CTNNA3: variants seen among roughly 807,000 people sequenced by gnomAD.
CTNNA3 encodes catenin alpha 3.
CTNNA3 carries 76 observed loss-of-function variants against 95.7 expected under a neutral mutation model. The observed-to-expected ratio is 0.79, with a 90% CI of 0.66 to 0.96. The LOEUF (loss-of-function observed/expected upper bound fraction) is 0.96, where lower values mean the gene tolerates loss of function less well. CTNNA3 is among the 40% of genes least tolerant of loss of function. The pLI, the probability that CTNNA3 is intolerant of heterozygous loss-of-function variation, is 0.00. For missense variants in CTNNA3, 1,191 were observed against 1,089.8 expected, an observed-to-expected ratio of 1.09 and a Z score of -1.31; for synonymous variants, 431 against 374.4, an observed-to-expected ratio of 1.15 and a Z score of -1.74.
intron 15 of CTNNA3, among the ~76,000 whole-genome samples, chr10:66,056,883 A>T (rs2080098676): frequency 6.6e-6 from 1 of 152,198 alleles, no homozygotes; most frequent in African/African-American, 2.4e-5. Flanking sequence ...CCTCTGCAGC[A>T]ACCAGTCCTG....
At chr10:67,552,851 T>G (rs1327896266) in intron 3 of CTNNA3, among the ~76,000 whole-genome samples, 1 of 152,152 alleles carries the variant, frequency 6.6e-6, no homozygotes, top group African/African-American at 2.4e-5. Flanking sequence ...TGATCTCATT[T>G]CTTTTTATGG....
rs138569658 is a variant in CTNNA3 at position 66,016,004 on chromosome 10, A to G, written c.2160-27207T>C. Among the ~76,000 whole-genome samples the G allele has an allele frequency of 1.8e-3, 269 of 152,274 alleles. 3 individuals carry two copies. Among genetic ancestry groups the G allele is most frequent in the African/African-American group, 6.3e-3 (261 of 41,568 alleles). On this transcript the variant is annotated intron_variant, in intron 15 of 17. Coordinates refer to ENST00000433211, the MANE Select transcript of CTNNA3 (RefSeq NM_013266.4). Reference sequence around the variant, plus strand: ...GATCACGGGAATTTAATGCACAAACAATGATTTATAGCATCTGTTTTCTAA... The same window carrying G: ...GATCACGGGAATTTAATGCACAAACGATGATTTATAGCATCTGTTTTCTAA...
chr10:66,154,038 A>G (rs1347925381), intron 13 of CTNNA3, among the ~76,000 whole-genome samples: 2 of 151,884 alleles, frequency 1.3e-5, no homozygotes, highest in Admixed American at 6.6e-5. Context: ...CATCACTCAT[A>G]AGGTCAAGAT....
At chr10:67,555,321 T>A (rs976463150) in intron 3 of CTNNA3, among the ~76,000 whole-genome samples, 1 of 152,204 alleles carries the variant, frequency 6.6e-6, no homozygotes, top group Non-Finnish European at 1.5e-5. Flanking sequence ...GCAGATGGCA[T>A]TGAATCTATA....
At chr10:67,209,355 A>G (rs12268369) in intron 6 of CTNNA3, among the ~76,000 whole-genome samples, 14,015 of 152,128 alleles carry the variant, frequency 0.092, 1,016 homozygotes, top group East Asian at 0.19. Flanking sequence ...GCCTAATATA[A>G]GTTTTTAAAT....
intron 9 of CTNNA3, among the ~76,000 whole-genome samples, chr10:66,756,886 C>T (rs1048031612): frequency 2.0e-5 from 3 of 152,042 alleles, no homozygotes; most frequent in African/African-American, 7.2e-5. Flanking sequence ...CAAAACTTGA[C>T]CCTAGAGCAG....
intron 5 of CTNNA3, among the ~76,000 whole-genome samples, chr10:67,275,104 T>C (rs1003718850): frequency 2.6e-5 from 4 of 152,092 alleles, no homozygotes; most frequent in South Asian, 2.1e-4. Flanking sequence ...AGAGAAATAA[T>C]AGTAGCAACG....
chr10:66,813,254 C>A lies in CTNNA3; in HGVS notation c.1048-37730G>T, dbSNP rs895148317. ...CTCTGCAAAATCCACACTCAAATTG[C>A]TGCATTTTATCCTGTCAGCTGCGTC... On this transcript the variant is annotated intron_variant, in intron 7 of 17. Transcript: ENST00000433211. Among the ~76,000 whole-genome samples the A allele has an allele frequency of 3.9e-5, 6 of 152,158 alleles. No individual in the cohort carries two copies. In the South Asian group the frequency reaches 1.2e-3, roughly 32 times the overall value.
intron 7 of CTNNA3, among the ~76,000 whole-genome samples, chr10:67,072,677 GC>G (rs1208843527): frequency 2.6e-5 from 4 of 152,130 alleles, no homozygotes; most frequent in African/African-American, 9.7e-5. Flanking sequence ...TTGATTGAAA[GC>G]CTGGTATATC....
intron 5 of CTNNA3, among the ~76,000 whole-genome samples, chr10:67,369,530 C>T (rs11815372): frequency 0.093 from 14,061 of 151,770 alleles, 675 homozygotes; most frequent in East Asian, 0.15. Flanking sequence ...TTCTCCATGG[C>T]GAAAATACAC....
intron 10 of CTNNA3, among the ~76,000 whole-genome samples, chr10:66,570,278 TG>T (rs1478466375): frequency 3.7e-4 from 52 of 139,140 alleles, no homozygotes; most frequent in Non-Finnish European, 1.9e-4. Context: ...AAATATGATT[TG>T]TTTTGTTTTG....
chr10:66,044,057 G>A (rs545030017), intron 15 of CTNNA3, among the ~76,000 whole-genome samples: 1 of 151,972 alleles, frequency 6.6e-6, no homozygotes, highest in East Asian at 1.9e-4. Flanking sequence ...GTGCAGTGGT[G>A]CGATATTGGC....
chr10:66,110,201 A>T (rs1000341761), intron 13 of CTNNA3, among the ~76,000 whole-genome samples: 2 of 151,908 alleles, frequency 1.3e-5, no homozygotes, highest in African/African-American at 2.4e-5. Context: ...TCTCTACTAA[A>T]AATACAAAAA....
intron 7 of CTNNA3, among the ~76,000 whole-genome samples, chr10:67,110,745 T>G (rs1858876299): frequency 6.6e-6 from 1 of 152,178 alleles, no homozygotes; most frequent in Non-Finnish European, 1.5e-5. Flanking sequence ...TTACTTTTGT[T>G]GAACTGCCCA....
chr10:66,214,821 T>C (rs1393749518), intron 13 of CTNNA3, among the ~76,000 whole-genome samples: 3 of 152,052 alleles, frequency 2.0e-5, no homozygotes, highest in Admixed American at 6.6e-5. Flanking sequence ...ATAATCCCCA[T>C]TGAAAAATGC....
At chr10:67,343,327 A>G (rs1294392801) in intron 5 of CTNNA3, among the ~76,000 whole-genome samples, 1 of 152,176 alleles carries the variant, frequency 6.6e-6, no homozygotes, top group Non-Finnish European at 1.5e-5. Flanking sequence ...TGCATTAAAT[A>G]TATAGATTAC....
intron 1 of CTNNA3, among the ~76,000 whole-genome samples, chr10:67,716,357 T>C (rs943251762): frequency 2.0e-5 from 3 of 152,124 alleles, no homozygotes; most frequent in African/African-American, 7.2e-5. Context: ...AGTTCTAGGA[T>C]ACATGTGCAG....
chr10:66,055,958 T>C (rs572706241), intron 15 of CTNNA3, among the ~76,000 whole-genome samples: 1 of 146,624 alleles, frequency 6.8e-6, no homozygotes, highest in African/African-American at 2.5e-5. Flanking sequence ...TAAAATCATA[T>C]CATCTGCAAG....
intron 7 of CTNNA3, among the ~76,000 whole-genome samples, chr10:66,778,699 G>T (rs71496010): frequency 6.6e-6 from 1 of 151,924 alleles, no homozygotes; most frequent in African/African-American, 2.4e-5. Flanking sequence ...ATTCTGGGCC[G>T]AGTGCGGTGG....
Sources: allele counts gnomAD v4.1 joint callset (sites outside exome capture counted in the v4.1 genomes callset), GRCh38; gene constraint gnomAD v4.1.1; transcripts MANE v1.5; gene names NCBI Gene and HGNC (gene_info 2026-07-23, HGNC 2026-07-21).